Variants in TBL1X observed in about 807,000 individuals in gnomAD.
TBL1X encodes the protein transducin beta like 1 X-linked, also known as F-box-like/WD repeat-containing protein TBL1X.
In TBL1X, 10 loss-of-function variants were observed where a neutral mutation model predicts 50.7. That is an observed-to-expected ratio of 0.20 (90% CI 0.12 to 0.33). The LOEUF (loss-of-function observed/expected upper bound fraction) is 0.33, where lower values mean the gene tolerates loss of function less well. Among genes scored for constraint, TBL1X ranks in the 10% least tolerant of loss-of-function variants. The probability of loss-of-function intolerance (pLI) is 1.00; values close to 1 mark genes in which losing one functional copy is unlikely to be tolerated. For missense variants in TBL1X, 340 were observed against 504.4 expected (o/e 0.67, Z 3.12); for synonymous variants, 190 against 214.7 (o/e 0.88, Z 1.01).
chrX:9,499,695 G>C (rs1167130968), intron 1 of TBL1X, among the ~76,000 whole-genome samples: 1 of 112,623 alleles, frequency 8.9e-6, no homozygotes, highest in African/African-American at 3.2e-5. Flanking sequence ...AGCTGCTCTG[G>C]CTAGGTGCAG....
chrX:9,631,729 C>A (rs190665030), intron 2 of TBL1X, among the ~76,000 whole-genome samples: 46 of 112,524 alleles, frequency 4.1e-4, no homozygotes, highest in Non-Finnish European at 7.7e-4. Flanking sequence ...ACTAAGAAGT[C>A]AATTATATGG....
rs6640456 is a variant in TBL1X, at chrX:9,593,408, T to A, written c.-130-46865T>A. ...CAAGAGCGAGACTCCATCTTAAAAA[T>A]AATAATAATAATAATAATAAGGTTC... On this transcript the variant is annotated intron_variant, in intron 2 of 17. Coordinates refer to ENST00000645353, the MANE Select transcript of TBL1X (RefSeq NM_005647.4). 6.3e-4 allele frequency among the ~76,000 whole-genome samples: 57 copies of A among 90,730 alleles called. 1 individual carries two copies. Among genetic ancestry groups the A allele is most frequent in the Admixed American group, 5.4e-3 (49 of 9,154 alleles). The allele number at this position is 90,730 out of a possible 115,157, so 78.8% of individuals were successfully genotyped here.
intron 2 of TBL1X, among the ~76,000 whole-genome samples, chrX:9,507,319 C>G (rs893699965): frequency 9.0e-6 from 1 of 111,686 alleles, no homozygotes; most frequent in Non-Finnish European, 1.9e-5. Flanking sequence ...AGAGACAAAT[C>G]ATGAGTGAAC....
chrX:9,699,487 C>T (rs1009052696), intron 12 of TBL1X, among the ~76,000 whole-genome samples: 1 of 111,784 alleles, frequency 8.9e-6, no homozygotes, highest in Non-Finnish European at 1.9e-5. Context: ...TCAGCTGTCC[C>T]TGGGGCATTG....
In TBL1X at chrX:9,685,202, C is replaced by A. The variant is rs180747118; in HGVS notation, c.357+1014C>A. 2.7e-5 allele frequency among the ~76,000 whole-genome samples: 3 copies of A among 112,298 alleles called. No individual in the cohort carries two copies. The Admixed American group carries it at 2.8e-4, about 11-fold the overall frequency. Reference sequence around the variant, plus strand: ...ACACCTCACCCTCTCTTGTCCCCTCCTATTCTGGTCTCATGATTCTGCAGT... The same window carrying A: ...ACACCTCACCCTCTCTTGTCCCCTCATATTCTGGTCTCATGATTCTGCAGT... On this transcript the variant is annotated intron_variant, in intron 6 of 17. Transcript: ENST00000645353.
Position 9,622,891 on chromosome X carries a change from T to C in TBL1X, c.-130-17382T>C, listed in dbSNP as rs773180223. 1.2e-4 allele frequency among the ~76,000 whole-genome samples: 14 copies of C among 112,234 alleles called. No homozygotes were observed. The South Asian group carries it at 2.6e-3, about 21-fold the overall frequency. ...ACTCATCCGTTCATAGACATTTGGGTTGCTATTCCAAAATAGCTTTTGGCT... is the reference window on the plus strand; with the variant it reads ...ACTCATCCGTTCATAGACATTTGGGCTGCTATTCCAAAATAGCTTTTGGCT... On this transcript the variant is annotated intron_variant, in intron 2 of 17. Transcript: ENST00000645353.
chrX:9,603,963 G>T (rs2082569434), intron 2 of TBL1X, among the ~76,000 whole-genome samples: 1 of 111,403 alleles, frequency 9.0e-6, no homozygotes, highest in South Asian at 3.8e-4. Flanking sequence ...TTAGATTATG[G>T]CTCCACCCTG....
Position 9,654,206 on chromosome X carries a change from T to C in TBL1X, c.104-9T>C, listed in dbSNP as rs2082852730. ...CAGTGTTTCAAAACTCTCTTCTCTTTTTGAACAGAGGGTGGTTCCCACTTC... is the reference window on the plus strand; with the variant it reads ...CAGTGTTTCAAAACTCTCTTCTCTTCTTGAACAGAGGGTGGTTCCCACTTC... On this transcript the variant is annotated splice_polypyrimidine_tract_variant and intron_variant, in intron 4 of 17. Transcript: ENST00000645353. The C allele has an allele frequency of 4.1e-6, 5 of 1,206,031 alleles. No homozygotes were observed. The highest frequency in any genetic ancestry group is 5.6e-6 in the Non-Finnish European group (5 of 892,571).
chrX:9,686,770 C>T (rs1230409275), intron 6 of TBL1X, among the ~76,000 whole-genome samples: 2 of 111,778 alleles, frequency 1.8e-5, no homozygotes, highest in African/African-American at 3.3e-5. Flanking sequence ...GGACAGTTAC[C>T]GCGTTTTGTC....
rs747363439 is a variant in TBL1X, at chrX:9,605,459, A to G, written c.-130-34814A>G. Among the ~76,000 whole-genome samples the G allele has an allele frequency of 6.2e-5, 7 of 112,755 alleles. No individual in the cohort carries two copies. The East Asian group carries it at 1.9e-3, about 31-fold the overall frequency. On this transcript the variant is annotated intron_variant, in intron 2 of 17. Transcript: ENST00000645353. ...TATTCTTCTGTGCTCATGCAATATG[A>G]TAGAAGAGCTTCTTGCATCTTTATG...
intron 12 of TBL1X, among the ~76,000 whole-genome samples, chrX:9,697,774 AACT>A (rs2083141145): frequency 9.0e-6 from 1 of 111,301 alleles, no homozygotes; most frequent in African/African-American, 3.3e-5. Flanking sequence ...GTGTCTCAAA[AACT>A]ACTAATAATA....
At chrX:9,589,330 G>C (rs1053255236) in intron 2 of TBL1X, among the ~76,000 whole-genome samples, 1 of 109,051 alleles carries the variant, frequency 9.2e-6, no homozygotes, top group Admixed American at 9.7e-5. Context: ...GGTTGTTTGC[G>C]TCTGGAGCCT....
intron 2 of TBL1X, among the ~76,000 whole-genome samples, chrX:9,613,738 C>T (rs920138006): frequency 5.4e-5 from 6 of 110,919 alleles, no homozygotes; most frequent in African/African-American, 9.9e-5. Context: ...GTAATCCCAG[C>T]ACTTTGGCAG....
intron 2 of TBL1X, among the ~76,000 whole-genome samples, chrX:9,506,921 A>G (rs1256213874): frequency 8.9e-6 from 1 of 111,882 alleles, no homozygotes; most frequent in Non-Finnish European, 1.9e-5. Flanking sequence ...ACTCCTCCCT[A>G]ACTCATTTTA....
At position 9,688,013 on chromosome X, in the gene TBL1X, C is replaced by A; in HGVS notation, c.358-4C>A. 8.3e-7 allele frequency: 1 copy of A among 1,201,481 alleles called. No homozygotes were observed. Among genetic ancestry groups the A allele is most frequent in the Non-Finnish European group, 1.1e-6 (1 of 889,849 alleles). ...GACAGCTGTACCTTGGCTTGCTTCC[C>A]CAGGATGGCACAGTGTTCGACGGCC... On this transcript the variant is annotated splice_polypyrimidine_tract_variant and splice_region_variant and intron_variant, in intron 6 of 17. Coordinates refer to ENST00000645353, the MANE Select transcript of TBL1X (RefSeq NM_005647.4).
At chrX:9,510,287 G>A (rs986717836) in intron 2 of TBL1X, among the ~76,000 whole-genome samples, 1 of 111,886 alleles carries the variant, frequency 8.9e-6, no homozygotes, top group Non-Finnish European at 1.9e-5. Flanking sequence ...GACTGGAGTG[G>A]AGAAATTGTA....
chrX:9,475,924 C>T (rs1456005039), intron 1 of TBL1X, among the ~76,000 whole-genome samples: 8 of 112,185 alleles, frequency 7.1e-5, no homozygotes, highest in African/African-American at 6.5e-5. Flanking sequence ...CATACACTTG[C>T]GCAGTGCATT....
intron 2 of TBL1X, among the ~76,000 whole-genome samples, chrX:9,511,964 G>C (rs1487082945): frequency 9.0e-6 from 1 of 111,602 alleles, no homozygotes; most frequent in African/African-American, 3.3e-5. Flanking sequence ...GGGCTCAAGT[G>C]ATTCTCCCAC....
intron 2 of TBL1X, among the ~76,000 whole-genome samples, chrX:9,530,185 C>T (rs372589759): frequency 8.9e-6 from 1 of 112,024 alleles, no homozygotes; most frequent in Non-Finnish European, 1.9e-5. Context: ...CATTTATAAG[C>T]CAGGTGGCAT....
Sources: allele counts gnomAD v4.1 joint callset (sites outside exome capture counted in the v4.1 genomes callset), GRCh38; gene constraint gnomAD v4.1.1; transcripts MANE v1.5; gene names NCBI Gene and HGNC (gene_info 2026-07-23, HGNC 2026-07-21).